Variants in OR3A2 observed in about 807,000 individuals in gnomAD.
OR3A2 encodes the protein olfactory receptor family 3 subfamily A member 2.
For synonymous variants in OR3A2, 126 were observed against 159.3 expected, an observed-to-expected ratio of 0.79 and a Z score of 1.57; for missense variants, 318 against 392.8, an observed-to-expected ratio of 0.81 and a Z score of 1.61.
At chr17:3,279,260 AGAT>A in intron 1 of OR3A2, 107 bp from the exon 4 acceptor site, 1 of 374,172 alleles carries the variant, frequency 2.7e-6, no homozygotes, top group Non-Finnish European at 4.8e-6. Flanking sequence ...TAACTATGTG[AGAT>A]GATGAATATG....
chr17:3,356,330 G>A (rs1019507697), intron 2 of OR3A2, among the ~76,000 whole-genome samples: 3 of 151,418 alleles, frequency 2.0e-5, no homozygotes, highest in African/African-American at 7.3e-5. Context: ...AGTCAGTTTT[G>A]TACCTTCAGA....
At chr17:3,299,545 G>C (rs2048945933) in intron 3 of OR3A2, among the ~76,000 whole-genome samples, 1 of 152,184 alleles carries the variant, frequency 6.6e-6, no homozygotes, top group South Asian at 2.1e-4. Flanking sequence ...GAGACTCTTG[G>C]TGATGAGGTT....
chr17:3,365,849 A>G (rs973404930), intron 2 of OR3A2, among the ~76,000 whole-genome samples: 1 of 152,220 alleles, frequency 6.6e-6, no homozygotes, highest in Non-Finnish European at 1.5e-5. Context: ...TTGCTTATGC[A>G]AAAAGGAAAA....
chr17:3,373,944 T>G (rs1202413670), intron 2 of OR3A2, among the ~76,000 whole-genome samples: 3 of 152,230 alleles, frequency 2.0e-5, no homozygotes. Flanking sequence ...TTACAAAGTT[T>G]TATTACCAGA....
chr17:3,309,629 G>A (rs1214649545), intron 3 of OR3A2, among the ~76,000 whole-genome samples: 1 of 152,144 alleles, frequency 6.6e-6, no homozygotes, highest in South Asian at 2.1e-4. Flanking sequence ...GAAATGCAAT[G>A]TAATATTACT....
intron 2 of OR3A2, among the ~76,000 whole-genome samples, chr17:3,375,139 CTTTTTTTTTTT>C (rs552615698): frequency 5.9e-4 from 17 of 28,718 alleles, no homozygotes; most frequent in African/African-American, 1.5e-3. Flanking sequence ...AGCCTTCTTC[CTTTTTTTTTTT>C]TTTTTTTTTT....
At chr17:3,362,709 C>T (rs938999969) in intron 2 of OR3A2, among the ~76,000 whole-genome samples, 1 of 151,628 alleles carries the variant, frequency 6.6e-6, no homozygotes, top group African/African-American at 2.4e-5. Flanking sequence ...TCCAACCCCA[C>T]ATTTCCCCTC....
At chr17:3,302,833 A>G (rs557616392) in intron 3 of OR3A2, among the ~76,000 whole-genome samples, 2 of 152,228 alleles carry the variant, frequency 1.3e-5, no homozygotes, top group Admixed American at 6.5e-5. Flanking sequence ...TCCATATCCA[A>G]TGTCATGCTC....
At chr17:3,332,750 T>C (rs2049248410) in intron 3 of OR3A2, among the ~76,000 whole-genome samples, 1 of 152,222 alleles carries the variant, frequency 6.6e-6, no homozygotes, top group African/African-American at 2.4e-5. Context: ...TTTACTGCAA[T>C]CTCCGAACAT....
intron 2 of OR3A2, among the ~76,000 whole-genome samples, chr17:3,337,150 A>G (rs1422419384): frequency 6.6e-6 from 1 of 152,232 alleles, no homozygotes; most frequent in East Asian, 1.9e-4. Flanking sequence ...TTATTTTAGT[A>G]AAATATGCAT....
intron 2 of OR3A2, among the ~76,000 whole-genome samples, chr17:3,341,510 C>T (rs973123427): frequency 3.9e-5 from 6 of 152,140 alleles, no homozygotes; most frequent in Non-Finnish European, 8.8e-5. Context: ...TTTTATTTCT[C>T]CTTCACTTAT....
chr17:3,370,143 C>A (rs1046502918), intron 2 of OR3A2, among the ~76,000 whole-genome samples: 12 of 152,110 alleles, frequency 7.9e-5, no homozygotes, highest in Non-Finnish European at 1.6e-4. Flanking sequence ...AGCTGTGAAA[C>A]CATCTGGTCC....
intron 3 of OR3A2, among the ~76,000 whole-genome samples, chr17:3,331,906 T>C (rs1311332946): frequency 6.6e-6 from 1 of 151,248 alleles, no homozygotes; most frequent in Non-Finnish European, 1.5e-5. Context: ...GTGGATGTCC[T>C]TTCTGTTTGT....
intron 3 of OR3A2, among the ~76,000 whole-genome samples, chr17:3,305,850 GTAA>G (rs1452439223): frequency 2.0e-5 from 3 of 152,218 alleles, no homozygotes; most frequent in Non-Finnish European, 2.9e-5. Context: ...TGATTAGGTG[GTAA>G]TTATTTGGTT....
intron 3 of OR3A2, chr17:3,298,282 C>A (rs2048936020): frequency 6.6e-6 from 1 of 152,178 alleles, no homozygotes; most frequent in African/African-American, 2.4e-5. Context: ...TAGAGACTCA[C>A]CTGGATTACC....
chr17:3,316,091 C>A (rs191834101), intron 3 of OR3A2, among the ~76,000 whole-genome samples: 1 of 152,126 alleles, frequency 6.6e-6, no homozygotes, highest in Non-Finnish European at 1.5e-5. Flanking sequence ...AACAACCTGT[C>A]CCCCCAGCAC....
intron 2 of OR3A2, 90 bp from the exon 2 acceptor site, chr17:3,336,216 TA>T (rs1357588857): frequency 6.6e-6 from 1 of 152,232 alleles, no homozygotes; most frequent in Non-Finnish European, 1.5e-5. Context: ...GCTAAAATTC[TA>T]AAACTGAACA....
intron 3 of OR3A2, among the ~76,000 whole-genome samples, chr17:3,293,675 A>G (rs1435386991): frequency 6.6e-6 from 1 of 152,186 alleles, no homozygotes; most frequent in South Asian, 2.1e-4. Flanking sequence ...ACATATGAAA[A>G]CTGTTACCTG....
intron 2 of OR3A2, among the ~76,000 whole-genome samples, chr17:3,337,645 G>C (rs1005482899): frequency 1.1e-4 from 16 of 152,090 alleles, no homozygotes; most frequent in African/African-American, 3.4e-4. Context: ...TGGTGTAAAT[G>C]TGCCACATTT....
Sources: gnomAD v4.1 joint callset for allele counts (sites outside exome capture counted in the v4.1 genomes callset) on GRCh38, gnomAD v4.1.1 for gene constraint, MANE v1.5 for transcripts, NCBI Gene and HGNC (gene_info 2026-07-23, HGNC 2026-07-21) for gene names.